PTCH1: variants seen among roughly 807,000 people sequenced by gnomAD.
PTCH1 encodes the protein patched 1, also known as protein patched homolog 1.
A neutral mutation model predicts 144.6 loss-of-function variants in PTCH1; 14 were observed. That is an observed-to-expected ratio of 0.10 (90% CI 0.06 to 0.15). PTCH1 has a LOEUF of 0.15. Ranked by LOEUF, PTCH1 falls within the 10% of genes least tolerant of loss-of-function variation. PTCH1 has a pLI of 1.00. For synonymous variants in PTCH1, 833 were observed against 793.6 expected (o/e 1.05, Z -0.83); for missense variants, 1,623 against 1,948.3 (o/e 0.83, Z 3.14).
chr9:95,505,525 G>T (rs1450274499), intron 2 of PTCH1, among the ~76,000 whole-genome samples: 1 of 152,108 alleles, frequency 6.6e-6, no homozygotes, highest in Non-Finnish European at 1.5e-5. Flanking sequence ...TTTTAAATCT[G>T]CAACTGCTTT....
At chr9:95,470,798 G>C (rs1318987466) in intron 12 of PTCH1, among the ~76,000 whole-genome samples, 1 of 152,164 alleles carries the variant, frequency 6.6e-6, no homozygotes, top group Admixed American at 6.5e-5. Context: ...AACGAGGCCA[G>C]GCGCGGTGGC....
chr9:95,480,391 T>C lies in PTCH1; in HGVS notation c.944A>G (p.Lys315Arg), dbSNP rs746517321. Residue 315 changes from lysine to arginine, a missense_variant and splice_region_variant, in exon 6 of 24, where the codon AAA becomes AGA. Coordinates refer to ENST00000331920, the MANE Select transcript of PTCH1 (RefSeq NM_000264.5). ...AGAGCGCTCACTGCTGGTACTCACT[T>C]TGGTTGAATTTTTGTTGGGGGCTGT... is the stretch of plus-strand genomic sequence containing the variant. Reference protein sequence around the residue: ...PATAPNKNSTKPLDMALVLNG... With the variant: ...PATAPNKNSTRPLDMALVLNG... The C allele has an allele frequency of 6.2e-7, 1 of 1,609,692 alleles. No homozygotes were observed. The highest frequency in any genetic ancestry group is 8.5e-7 in the Non-Finnish European group (1 of 1,179,320).
chr9:95,481,197 C>G (rs944426537), intron 5 of PTCH1, among the ~76,000 whole-genome samples: 2 of 152,196 alleles, frequency 1.3e-5, no homozygotes, highest in Non-Finnish European at 2.9e-5. Flanking sequence ...CACACTGTAG[C>G]TGCTTAACCA....
chr9:95,502,200 G>A (rs1843197178), intron 2 of PTCH1, among the ~76,000 whole-genome samples: 1 of 152,174 alleles, frequency 6.6e-6, no homozygotes, highest in Non-Finnish European at 1.5e-5. Context: ...CCTGTGCCTA[G>A]CTCAGGCCTC....
chr9:95,508,704 G>A lies in PTCH1; in HGVS notation c.-343C>T. On this transcript the variant is annotated 5_prime_UTR_variant, in exon 1 of 24. Coordinates refer to ENST00000331920, the MANE Select transcript of PTCH1 (RefSeq NM_000264.5). Reference sequence around the variant, plus strand: ...GGCGCGCCGAGCGAGCCTGTCCTTCGGGCGCTTCCGCGGCACTCCTTGCGG... The same window carrying A: ...GGCGCGCCGAGCGAGCCTGTCCTTCAGGCGCTTCCGCGGCACTCCTTGCGG... 4 of 986,752 alleles carry A rather than the reference G, an allele frequency of 4.1e-6. No individual in the cohort carries two copies. Among genetic ancestry groups the A allele is most frequent in the Non-Finnish European group, 4.8e-6 (4 of 830,984 alleles). The allele number at this position is 986,752 out of a possible 1,614,324, so 61.1% of individuals were successfully genotyped here. A position where few individuals can be genotyped will look rare whatever the true frequency, so the allele number is the denominator to read the frequency against.
At chr9:95,507,242 A>T (rs1026206943) in intron 1 of PTCH1, 1 of 985,416 alleles carries the variant, frequency 1.0e-6, no homozygotes, top group African/African-American at 1.7e-5. Context: ...AATATTTGTG[A>T]TCGGAAGAGG....
intron 1 of PTCH1, chr9:95,507,399 C>G (rs901886035): frequency 1.0e-4 from 100 of 985,422 alleles, no homozygotes; most frequent in Non-Finnish European, 1.1e-4. Context: ...GGCGGGCCCC[C>G]GTCTGGGTGC....
intron 2 of PTCH1, among the ~76,000 whole-genome samples, chr9:95,504,017 C>T (rs1843346918): frequency 1.1e-5 from 1 of 89,846 alleles, no homozygotes; most frequent in African/African-American, 3.8e-5. Context: ...AGCGAGACTC[C>T]GTCTCAAAAA....
intron 18 of PTCH1, among the ~76,000 whole-genome samples, chr9:95,457,063 G>GT (rs1002826246): frequency 6.6e-6 from 1 of 152,176 alleles, no homozygotes; most frequent in African/African-American, 2.4e-5. Context: ...TGAGCCAACT[G>GT]TTAAAATCCA....
rs991778930 is a variant in PTCH1, at chr9:95,446,214, A to C, written c.*179T>G. ...TATATTACACATGTGTACATCTCTT[A>C]AATATTTATAGAAATATTTAACAAA... On this transcript the variant is annotated 3_prime_UTR_variant, in exon 24 of 24. Transcript: ENST00000331920. The C allele has an allele frequency of 5.2e-6, 2 of 383,096 alleles. No individual in the cohort carries two copies. The highest frequency in any genetic ancestry group is 4.2e-5 in the African/African-American group (2 of 47,374). 23.7% of individuals were successfully genotyped at this position (383,096 alleles called of 1,614,324 possible).
intron 1 of PTCH1, 125 bp downstream of exon 1, chr9:95,508,032 GGTGT>G (rs1264211184): frequency 1.3e-6 from 2 of 1,515,564 alleles, no homozygotes; most frequent in Non-Finnish European, 1.8e-6. Flanking sequence ...TTCCTGGAGA[GGTGT>G]GAGTGAGTGT....
chr9:95,480,920 TA>T (rs34757337), intron 5 of PTCH1, among the ~76,000 whole-genome samples: 3 of 147,174 alleles, frequency 2.0e-5, no homozygotes, highest in East Asian at 2.4e-4. Flanking sequence ...TTTTTTTTTT[TA>T]AAAAAGAGGG....
At chr9:95,494,084 G>C (rs567996499) in intron 2 of PTCH1, among the ~76,000 whole-genome samples, 1 of 149,820 alleles carries the variant, frequency 6.7e-6, no homozygotes, top group African/African-American at 2.5e-5. Context: ...GGAACCGCAC[G>C]GGACCGCACG....
intron 1 of PTCH1, 40 bp downstream of exon 1, chr9:95,508,121 G>A (rs770748920): frequency 1.9e-6 from 3 of 1,609,650 alleles, no homozygotes; most frequent in East Asian, 2.2e-5. Context: ...AAGAGTTAGA[G>A]GAGGGAAGAG....
chr9:95,480,734 C>A (rs113342376), intron 5 of PTCH1, 146 bp from the exon 6 acceptor site: 1 of 821,002 alleles, frequency 1.2e-6, no homozygotes, highest in African/African-American at 1.7e-5. Context: ...ACAAATGCTC[C>A]TTTCCAGCAT....
Position 95,468,802 on chromosome 9 carries a change from T to C in PTCH1, c.2199A>G (p.Ser733=), listed in dbSNP as rs2227970. 24,794 of 1,614,154 alleles carry C rather than the reference T, an allele frequency of 0.015. 224 individuals carry two copies. The highest frequency in any genetic ancestry group is 0.026 in the East Asian group (1,158 of 44,882). ...GAGCATAGTGCTTCTCAGCAAAAGA[T>C]GAGAGTGTCCACTTCGTACAGGGGG... ...LEPPCTKWTL[S]SFAEKHYAPF... The change falls in exon 14 of 24, where the codon TCA becomes TCG. Residue 733 remains serine (S), a synonymous_variant. Coordinates refer to ENST00000331920, the MANE Select transcript of PTCH1 (RefSeq NM_000264.5).
intron 1 of PTCH1, chr9:95,506,813 C>G (rs968517127): frequency 3.3e-5 from 37 of 1,131,694 alleles, no homozygotes; most frequent in Non-Finnish European, 3.8e-5. Flanking sequence ...GGAGCTGCAC[C>G]TCGGGGACAT....
chr9:95,510,671 G>A (rs1294791787), upstream of PTCH1, among the ~76,000 whole-genome samples: 1 of 151,832 alleles, frequency 6.6e-6, no homozygotes, highest in East Asian at 1.9e-4. Context: ...GTAGCGAGAA[G>A]TCTAGTGAAG....
rs1034622276 is a variant in PTCH1 at position 95,472,556 on chromosome 9, TAGAGA to T, written c.1729-2630_1729-2626del. On this transcript the variant is annotated intron_variant, in intron 12 of 23. Transcript: ENST00000331920. ...ATGTTTAGAATGGAGGAGTGGAATG[TAGAGA>T]AGAGACCCTGGGCATCCCAATTTGG... Among the ~76,000 whole-genome samples the T allele has an allele frequency of 2.6e-5, 4 of 152,278 alleles. No homozygotes were observed. The South Asian group carries it at 8.3e-4, about 32-fold the overall frequency.
Sources: allele counts gnomAD v4.1 joint callset (sites outside exome capture counted in the v4.1 genomes callset), GRCh38; gene constraint gnomAD v4.1.1; transcripts MANE v1.5; gene names NCBI Gene and HGNC (gene_info 2026-07-23, HGNC 2026-07-21).